Variants in GMEB2 observed in about 807,000 individuals in gnomAD.
GMEB2 encodes the protein glucocorticoid modulatory element binding protein 2.
GMEB2 carries 7 observed loss-of-function variants against 45.7 expected under a neutral mutation model. The observed-to-expected ratio is 0.15, with a 90% CI of 0.09 to 0.29. The LOEUF is 0.29. GMEB2 is among the 10% of genes least tolerant of loss of function. GMEB2 has a pLI of 1.00. For missense variants in GMEB2, 582 were observed against 739.2 expected, an observed-to-expected ratio of 0.79 and a Z score of 2.47; for synonymous variants, 322 against 323.6, an observed-to-expected ratio of 1.00 and a Z score of 0.05.
In GMEB2 at chr20:63,619,413, G is replaced by A. The variant is rs768624706; in HGVS notation, c.-16C>T. ...GAGTCGCCATGGCTCAGCGGAAGGG[G>A]ACGCCCAGGCCAGCAGCGTCAGTCC... On this transcript the variant is annotated 5_prime_UTR_variant, in exon 2 of 10. Coordinates refer to ENST00000370077, the MANE Select transcript of GMEB2 (RefSeq NM_012384.5). This position sits in a 1 kb window ranked among gnomAD's most constrained non-coding sequence, Gnocchi z 4.6. The A allele has an allele frequency of 2.5e-6, 4 of 1,607,134 alleles. No individual in the cohort carries two copies. The highest frequency in any genetic ancestry group is 1.7e-5 in the Admixed American group (1 of 59,886).
chr20:63,592,502 A>G lies in GMEB2; in HGVS notation c.829+31T>C. ...TCCTGCAGAGACTCCTGGGCTGAGT[A>G]GCCAGCAAGAGGGAAGATGCAGCTT... On this transcript the variant is annotated intron_variant, in intron 8 of 9. Transcript: ENST00000370077. This position sits in a 1 kb window ranked among gnomAD's most constrained non-coding sequence, Gnocchi z 8.2. 1.3e-6 allele frequency: 2 copies of G among 1,581,248 alleles called. No homozygotes were observed. The highest frequency in any genetic ancestry group is 1.7e-6 in the Non-Finnish European group (2 of 1,154,302).
intron 9 of GMEB2, 88 bp downstream of exon 9, chr20:63,591,934 G>C (rs908996008): frequency 5.1e-6 from 6 of 1,167,342 alleles, no homozygotes; most frequent in African/African-American, 1.5e-5. Context: ...AGGAAGTGCA[G>C]GTGGATGCAC....
intron 4 of GMEB2, among the ~76,000 whole-genome samples, chr20:63,598,374 T>C (rs1336759152): frequency 4.3e-5 from 3 of 69,130 alleles, no homozygotes; most frequent in African/African-American, 1.0e-4. Context: ...ACACACACAC[T>C]CATCTGTTTC....
chr20:63,626,897 C>T (rs933551207), intron 1 of GMEB2, 59 bp downstream of exon 1: 1 of 146,652 alleles, frequency 6.8e-6, no homozygotes, highest in Non-Finnish European at 1.5e-5. Flanking sequence ...GACGGCGGCG[C>T]GTGAGCGGAG....
At chr20:63,622,077 C>CA (rs1411868331) in intron 1 of GMEB2, among the ~76,000 whole-genome samples, 3 of 151,786 alleles carry the variant, frequency 2.0e-5, no homozygotes, top group African/African-American at 4.8e-5. Context: ...TGCAGTGAGC[C>CA]ATGGTTGTGC....
chr20:63,625,365 G>A (rs2089664034), intron 1 of GMEB2, among the ~76,000 whole-genome samples: 2 of 151,866 alleles, frequency 1.3e-5, no homozygotes, highest in Admixed American at 1.3e-4. Context: ...TAGAGACGGG[G>A]TTTCATCATG....
Position 63,590,569 on chromosome 20 carries a change from C to A in GMEB2, c.1113G>T (p.Met371Ile). Residue 371 changes from methionine to isoleucine, a missense_variant, in exon 10 of 10, where the codon ATG (methionine) becomes ATT (isoleucine). By Grantham distance (10) the Met-to-Ile change is conservative (BLOSUM62 1). Coordinates refer to ENST00000370077, the MANE Select transcript of GMEB2 (RefSeq NM_012384.5). ...CAGACTGGGTGAGCACCTGCGAGGC[C>A]ATGGCGGCCGGTCCTGATGTGGCAC... is the stretch of plus-strand genomic sequence containing the variant. ...LARATSGPAA[M>I]ASQVLTQSAQ... 6.4e-7 allele frequency: 1 copy of A among 1,567,404 alleles called. No homozygotes were observed. The highest frequency in any genetic ancestry group is 1.9e-5 in the Admixed American group (1 of 53,258).
chr20:63,604,792 T>TGCTGCC lies in GMEB2; in HGVS notation c.174_179dup (p.Ala63_Ala64dup). ...AGGAGGCTGTGAAGGCCGCGGCAGC[T>TGCTGCC]GCTGCCGCTGCATTTTCTGTCTCCA... On this transcript the variant is annotated inframe_insertion, in exon 3 of 10. Transcript: ENST00000370077. 1 of 1,611,878 alleles carries TGCTGCC rather than the reference T, an allele frequency of 6.2e-7. No individual in the cohort carries two copies. The highest frequency in any genetic ancestry group is 2.2e-5 in the East Asian group (1 of 44,868).
chr20:63,613,016 C>T (rs1266520700), intron 2 of GMEB2, among the ~76,000 whole-genome samples: 5 of 151,702 alleles, frequency 3.3e-5, no homozygotes, highest in Non-Finnish European at 5.9e-5. Flanking sequence ...GGCTGGAGTG[C>T]AGTGGCGCAA....
rs2083160436 is a variant in GMEB2, at chr20:63,592,811, G to A, written c.692-141C>T. ...CCTGGCACTGTGCTGGGCTTGCACT[G>A]CCCAGACACATCCACAGTGCCAAAA... is the stretch of plus-strand genomic sequence containing the variant. On this transcript the variant is annotated intron_variant, in intron 7 of 9. Transcript: ENST00000370077. This position sits in a 1 kb window ranked among gnomAD's most constrained non-coding sequence, Gnocchi z 8.2. The A allele has an allele frequency of 1.2e-6, 1 of 809,312 alleles. No homozygotes were observed. The highest frequency in any genetic ancestry group is 2.1e-6 in the Non-Finnish European group (1 of 474,704). 50.1% of individuals were successfully genotyped at this position (809,312 alleles called of 1,614,324 possible). A position where few individuals can be genotyped will look rare whatever the true frequency, so the allele number is the denominator to read the frequency against.
chr20:63,596,360 C>T (rs943110197), intron 5 of GMEB2, among the ~76,000 whole-genome samples: 4 of 152,248 alleles, frequency 2.6e-5, no homozygotes, highest in South Asian at 2.1e-4. Context: ...CTCCGGAGGT[C>T]CAGGGTCTCA....
intron 2 of GMEB2, among the ~76,000 whole-genome samples, chr20:63,611,418 C>T (rs2089569683): frequency 6.6e-6 from 1 of 152,148 alleles, no homozygotes; most frequent in South Asian, 2.1e-4. Flanking sequence ...TCAAGACCAG[C>T]CTGGCCAATA....
chr20:63,591,269 C>A (rs779860575), intron 9 of GMEB2, among the ~76,000 whole-genome samples: 12 of 152,118 alleles, frequency 7.9e-5, no homozygotes, highest in Admixed American at 7.9e-4. Context: ...ACTGAATACA[C>A]ACACACTGAA....
At chr20:63,597,643 A>G in intron 5 of GMEB2, 114 bp downstream of exon 5, 2 of 674,290 alleles carry the variant, frequency 3.0e-6, no homozygotes, top group Non-Finnish European at 5.3e-6. Flanking sequence ...GGAGGTTGTC[A>G]GCACTCACCA....
chr20:63,594,767 G>C (rs1397152637), intron 6 of GMEB2, among the ~76,000 whole-genome samples: 1 of 152,096 alleles, frequency 6.6e-6, no homozygotes, highest in African/African-American at 2.4e-5. Flanking sequence ...TTTTTGTTTT[G>C]AGATGGAATC....
At chr20:63,620,527 G>A (rs886806830) in intron 1 of GMEB2, among the ~76,000 whole-genome samples, 1 of 152,190 alleles carries the variant, frequency 6.6e-6, no homozygotes, top group African/African-American at 2.4e-5. Flanking sequence ...GAGCGCCTGG[G>A]TCGTCCCAAG....
At chr20:63,601,757 G>A (rs2083242776) in intron 4 of GMEB2, among the ~76,000 whole-genome samples, 1 of 152,288 alleles carries the variant, frequency 6.6e-6, no homozygotes, top group African/African-American at 2.4e-5. Context: ...GGCTGCTGCA[G>A]GGCCGACTCT....
chr20:63,621,716 TTA>T (rs905604305), intron 1 of GMEB2, among the ~76,000 whole-genome samples: 114 of 151,310 alleles, frequency 7.5e-4, no homozygotes, highest in African/African-American at 2.2e-3. Context: ...TGGTTAAATT[TTA>T]TGTTATGTAT....
intron 6 of GMEB2, among the ~76,000 whole-genome samples, chr20:63,594,978 AC>A (rs1354335145): frequency 6.6e-6 from 1 of 151,902 alleles, no homozygotes; most frequent in African/African-American, 2.4e-5. Flanking sequence ...CAAGTGATCC[AC>A]CCGCCTCGGC....
Sources: allele counts gnomAD v4.1 joint callset (sites outside exome capture counted in the v4.1 genomes callset), GRCh38; gene constraint gnomAD v4.1.1; non-coding constraint Gnocchi (gnomAD v3.1); transcripts MANE v1.5; gene names NCBI Gene and HGNC (gene_info 2026-07-23, HGNC 2026-07-21).